Variants in PRKG1 observed in about 807,000 individuals in gnomAD.
PRKG1 encodes the protein protein kinase cGMP-dependent 1, also known as cGMP-dependent protein kinase 1.
PRKG1 carries 35 observed loss-of-function variants against 88.1 expected under a neutral mutation model. That is an observed-to-expected ratio of 0.40 (90% confidence interval 0.30 to 0.53). The LOEUF (loss-of-function observed/expected upper bound fraction) is 0.53. PRKG1 is among the 20% of genes least tolerant of loss of function. The pLI, the probability that PRKG1 is intolerant of heterozygous loss-of-function variation, is 0.59. For synonymous variants in PRKG1, 303 were observed against 292.5 expected (o/e 1.04, Z -0.37); for missense variants, 540 against 839.8 (o/e 0.64, Z 4.41).
At chr10:51,215,344 T>C (rs1838343902) in intron 2 of PRKG1, among the ~76,000 whole-genome samples, 1 of 152,226 alleles carries the variant, frequency 6.6e-6, no homozygotes, top group Non-Finnish European at 1.5e-5. Context: ...TTACAAGTGA[T>C]TACAACTACC....
intron 8 of PRKG1, among the ~76,000 whole-genome samples, chr10:52,148,299 A>G (rs1370356715): frequency 2.0e-5 from 3 of 152,142 alleles, no homozygotes; most frequent in Non-Finnish European, 2.9e-5. Flanking sequence ...CCATCCTACA[A>G]TGCACAGGAC....
chr10:51,930,235 G>C (rs554633594), intron 5 of PRKG1, among the ~76,000 whole-genome samples: 6 of 152,300 alleles, frequency 3.9e-5, no homozygotes, highest in African/African-American at 1.4e-4. Context: ...GGAGTGGGGG[G>C]AGGAAAATGA....
intron 4 of PRKG1, among the ~76,000 whole-genome samples, chr10:51,835,672 C>T (rs1413768360): frequency 1.3e-5 from 2 of 152,150 alleles, no homozygotes; most frequent in Non-Finnish European, 2.9e-5. Flanking sequence ...TTGGTTATTG[C>T]GAATAATGCT....
intron 5 of PRKG1, among the ~76,000 whole-genome samples, chr10:51,940,977 T>C (rs1303786372): frequency 2.6e-5 from 4 of 151,964 alleles, no homozygotes; most frequent in Non-Finnish European, 4.4e-5. Context: ...GAGAAAAGTA[T>C]CAACTTACCA....
At chr10:51,875,435 G>A (rs1386168346) in intron 4 of PRKG1, among the ~76,000 whole-genome samples, 1 of 151,730 alleles carries the variant, frequency 6.6e-6, no homozygotes, top group African/African-American at 2.4e-5. Context: ...TGATTGATTG[G>A]TTGGTTGGTT....
chr10:52,154,772 G>T lies in PRKG1; in HGVS notation c.1002-7117G>T, dbSNP rs1005172663. ...TAATAGCGTACACTGTACCCAGTAC[G>T]TAGTCTTTTATCTCCCACCCCACTT... is the stretch of plus-strand genomic sequence containing the variant. On this transcript the variant is annotated intron_variant, in intron 8 of 17. Coordinates refer to ENST00000373980, the MANE Select transcript of PRKG1 (RefSeq NM_006258.4). 2.0e-5 allele frequency among the ~76,000 whole-genome samples: 3 copies of T among 152,018 alleles called. No individual in the cohort carries two copies. In the East Asian group the frequency reaches 5.8e-4, roughly 29 times the overall value.
intron 3 of PRKG1, among the ~76,000 whole-genome samples, chr10:51,624,711 G>T (rs1839291876): frequency 6.6e-6 from 1 of 152,192 alleles, no homozygotes; most frequent in South Asian, 2.1e-4. Context: ...AAAAAATGTT[G>T]AACAAAATAA....
intron 1 of PRKG1, among the ~76,000 whole-genome samples, chr10:51,141,797 G>T (rs574952459): frequency 3.3e-5 from 5 of 152,040 alleles, no homozygotes; most frequent in South Asian, 2.1e-4. Context: ...ATGCTTTAAG[G>T]TTACAAATTG....
intron 1 of PRKG1, among the ~76,000 whole-genome samples, chr10:51,120,450 A>G (rs1197345232): frequency 6.6e-6 from 1 of 151,892 alleles, no homozygotes; most frequent in Non-Finnish European, 1.5e-5. Flanking sequence ...CTAGTATACA[A>G]TTTTCTCTCT....
chr10:51,508,644 A>G (rs1195028329), intron 3 of PRKG1, among the ~76,000 whole-genome samples: 2 of 152,154 alleles, frequency 1.3e-5, no homozygotes, highest in Admixed American at 1.3e-4. Flanking sequence ...TTCTCATAAT[A>G]GATCTTTCTC....
rs1306903551 is a variant in PRKG1 at position 52,018,967 on chromosome 10, T to A, written c.763-35517T>A. ...AAGGAACACTTGCGCTTGGATAATT[T>A]ATGAAGAAAAGGGTTCATTTTTCTT... On this transcript the variant is annotated intron_variant, in intron 5 of 17. Transcript: ENST00000373980. Among the ~76,000 whole-genome samples the A allele has an allele frequency of 5.0e-5, 3 of 59,504 alleles. No homozygotes were observed. In the Admixed American group the frequency reaches 5.4e-4, roughly 11 times the overall value. 39.0% of individuals were successfully genotyped at this position (59,504 alleles called of 152,430 possible).
chr10:51,304,083 G>A (rs1840968110), intron 2 of PRKG1, among the ~76,000 whole-genome samples: 1 of 152,034 alleles, frequency 6.6e-6, no homozygotes, highest in South Asian at 2.1e-4. Context: ...GCCTCCCAAA[G>A]TGCTGGGATT....
chr10:51,687,817 G>T (rs2132384484), intron 3 of PRKG1, among the ~76,000 whole-genome samples: 1 of 152,224 alleles, frequency 6.6e-6, no homozygotes, highest in Non-Finnish European at 1.5e-5. Flanking sequence ...GGAAAAAAGG[G>T]TTACACATAT....
intron 4 of PRKG1, among the ~76,000 whole-genome samples, chr10:51,859,351 T>C (rs1390490263): frequency 6.6e-6 from 1 of 151,382 alleles, no homozygotes; most frequent in African/African-American, 2.4e-5. Context: ...GCCTTTTTCT[T>C]TCTTTTTTTT....
intron 5 of PRKG1, chr10:51,910,389 A>G (rs1469949871): frequency 1.3e-5 from 2 of 152,188 alleles, no homozygotes; most frequent in Non-Finnish European, 2.9e-5. Context: ...CTAAGATTAC[A>G]TTTCAAAAGG....
chr10:51,224,048 C>T (rs1207748639), intron 2 of PRKG1, among the ~76,000 whole-genome samples: 3 of 152,036 alleles, frequency 2.0e-5, no homozygotes, highest in Non-Finnish European at 4.4e-5. Flanking sequence ...GACACATAGA[C>T]CAGAATAGAG....
chr10:51,017,474 T>C (rs1459498464), intron 1 of PRKG1, among the ~76,000 whole-genome samples: 1 of 152,214 alleles, frequency 6.6e-6, no homozygotes, highest in African/African-American at 2.4e-5. Context: ...GAAAATAAGA[T>C]AATGTATGTG....
At position 51,686,276 on chromosome 10, in the gene PRKG1, AT is replaced by A. The variant is rs531995267; in HGVS notation, c.593-118302del. 4.4e-3 allele frequency among the ~76,000 whole-genome samples: 672 copies of A among 152,064 alleles called. 3 individuals are homozygous for A. The highest frequency in any genetic ancestry group is 6.0e-3 in the Non-Finnish European group (411 of 67,998). On this transcript the variant is annotated intron_variant, in intron 3 of 17. Coordinates refer to ENST00000373980, the MANE Select transcript of PRKG1 (RefSeq NM_006258.4). ...GTAATAAGCATAGTACCCAAAAGGC[AT>A]TTTTTTCTGATCCTCTCCCTCTTCA...
In PRKG1 at chr10:51,908,725, C is replaced by CTATCTATA. The variant is rs1299574623; in HGVS notation, c.762+1158_762+1159insCTATATAT. 9 of 60,572 alleles carry CTATCTATA rather than the reference C, an allele frequency of 1.5e-4. No individual in the cohort carries two copies. The East Asian group carries it at 2.0e-3, about 13-fold the overall frequency. 3.8% of individuals were successfully genotyped at this position (60,572 alleles called of 1,614,324 possible). A position where few individuals can be genotyped will look rare whatever the true frequency, so the allele number is the denominator to read the frequency against. On this transcript the variant is annotated intron_variant, in intron 5 of 17. Coordinates refer to ENST00000373980, the MANE Select transcript of PRKG1 (RefSeq NM_006258.4). ...TCTCTCTCTCTCTCTGTCTATCTAT[C>CTATCTATA]TATATGTAATTTTTTTTTTTTTGAG... is the stretch of plus-strand genomic sequence containing the variant.
Sources: gnomAD v4.1 joint callset for allele counts (sites outside exome capture counted in the v4.1 genomes callset) on GRCh38, gnomAD v4.1.1 for gene constraint, MANE v1.5 for transcripts, NCBI Gene and HGNC (gene_info 2026-07-23, HGNC 2026-07-21) for gene names.